The following PHF24 variants were observed in gnomAD, a reference collection of about 807,000 sequenced individuals.
The protein encoded by PHF24 is Galpha inhibitory interacting protein.
A neutral mutation model predicts 42.6 loss-of-function variants in PHF24; 25 were observed. That is an observed-to-expected ratio of 0.59 (90% confidence interval 0.43 to 0.82). The LOEUF (loss-of-function observed/expected upper bound fraction) is 0.82, where lower values mean the gene tolerates loss of function less well. Among genes scored for constraint, PHF24 ranks in the 40% least tolerant of loss-of-function variants. The pLI is 0.00. For synonymous variants in PHF24, 185 were observed against 204.8 expected (o/e 0.90, Z 0.83); for missense variants, 470 against 538.1 (o/e 0.87, Z 1.25).
At chr9:34,666,293 T>C in the PHF24 span, among the ~76,000 whole-genome samples, 2 of 152,064 alleles carry the variant, frequency 1.3e-5, no homozygotes, top group Non-Finnish European at 2.9e-5. Flanking sequence ...AAAAGAGAGT[T>C]GGGACTAAGT....
the PHF24 span, among the ~76,000 whole-genome samples, chr9:34,849,634 T>A: frequency 1.3e-5 from 2 of 152,216 alleles, no homozygotes; most frequent in Non-Finnish European, 2.9e-5. Context: ...GTGAATTTGA[T>A]CCTGTCATTA....
intron 7 of PHF24, 61 bp from the exon 8 acceptor site, chr9:34,977,954 G>A: frequency 1.5e-6 from 2 of 1,300,992 alleles, no homozygotes; most frequent in Non-Finnish European, 2.2e-6. Context: ...GCTGCCCCTG[G>A]GATCAGGGCT....
exon 3 of PHF24, chr9:34,972,493 A>G (rs1827031142): frequency 2.5e-6 from 4 of 1,613,502 alleles, no homozygotes; most frequent in Non-Finnish European, 3.4e-6. Flanking sequence ...GGTGACGGAG[A>G]TGGCCCACAC....
At chr9:34,901,620 C>T in the PHF24 span, among the ~76,000 whole-genome samples, 2 of 151,986 alleles carry the variant, frequency 1.3e-5, no homozygotes, top group African/African-American at 4.8e-5. Context: ...AATAGGGGGT[C>T]GGGCGTGGTG....
the PHF24 span, among the ~76,000 whole-genome samples, chr9:34,901,970 G>A: frequency 6.6e-6 from 1 of 152,146 alleles, no homozygotes; most frequent in East Asian, 1.9e-4. Flanking sequence ...ATATTAATTT[G>A]AAGTTGGGTG....
chr9:34,976,570 C>T (rs200806520), exon 5 of PHF24: 13 of 1,613,878 alleles, frequency 8.1e-6, no homozygotes, highest in Middle Eastern at 1.6e-4. Context: ...TCTGCGTTAC[C>T]GCCACCAAGC....
At chr9:34,964,634 C>T (rs1471052582) in intron 1 of PHF24, among the ~76,000 whole-genome samples, 1 of 152,178 alleles carries the variant, frequency 6.6e-6, no homozygotes, top group Non-Finnish European at 1.5e-5. Flanking sequence ...ATTAATAATC[C>T]CGCTGAATTC....
the PHF24 span, among the ~76,000 whole-genome samples, chr9:34,935,736 G>GT: frequency 0.19 from 26,856 of 142,554 alleles, 2,546 homozygotes; most frequent in South Asian, 0.27. Context: ...ATTTGTGTGT[G>GT]GGGGGGGGGT....
the PHF24 span, among the ~76,000 whole-genome samples, chr9:34,704,231 T>C: frequency 6.6e-6 from 1 of 151,388 alleles, no homozygotes; most frequent in Non-Finnish European, 1.5e-5. Context: ...GGGTCTTGCT[T>C]CGTTGCCCAG....
At chr9:34,846,823 G>A in the PHF24 span, among the ~76,000 whole-genome samples, 1 of 152,140 alleles carries the variant, frequency 6.6e-6, no homozygotes, top group Non-Finnish European at 1.5e-5. Context: ...CATATGGCTA[G>A]CCAGTTTTCC....
the PHF24 span, among the ~76,000 whole-genome samples, chr9:34,902,828 G>A: frequency 1.3e-5 from 2 of 152,026 alleles, no homozygotes; most frequent in South Asian, 4.2e-4. Flanking sequence ...GAGGGGAGGT[G>A]GTTAATAGGG....
chr9:34,920,184 G>A, the PHF24 span, among the ~76,000 whole-genome samples: 3 of 152,142 alleles, frequency 2.0e-5, no homozygotes, highest in Admixed American at 1.3e-4. Context: ...CAGTGTAGGA[G>A]GGTTTCTTTT....
At chr9:34,846,541 T>C in the PHF24 span, among the ~76,000 whole-genome samples, 2 of 151,772 alleles carry the variant, frequency 1.3e-5, no homozygotes, top group East Asian at 3.9e-4. Flanking sequence ...TTCTCCCATT[T>C]TGTAGGTTGC....
At chr9:34,802,785 C>A in the PHF24 span, among the ~76,000 whole-genome samples, 1 of 152,274 alleles carries the variant, frequency 6.6e-6, no homozygotes, top group South Asian at 2.1e-4. Flanking sequence ...AAGGCTGAGC[C>A]TCTGATCCTC....
At chr9:34,711,272 G>T in the PHF24 span, among the ~76,000 whole-genome samples, 1 of 149,578 alleles carries the variant, frequency 6.7e-6, no homozygotes, top group South Asian at 2.1e-4. Flanking sequence ...TTTGACACAG[G>T]GTCTCGCTTT....
At chr9:34,799,707 T>C in the PHF24 span, among the ~76,000 whole-genome samples, 1 of 152,176 alleles carries the variant, frequency 6.6e-6, no homozygotes, top group Non-Finnish European at 1.5e-5. Flanking sequence ...CCACCTCTTA[T>C]ATAGAAACAT....
chr9:34,668,502 C>T, the PHF24 span, among the ~76,000 whole-genome samples: 1 of 152,176 alleles, frequency 6.6e-6, no homozygotes, highest in Non-Finnish European at 1.5e-5. Flanking sequence ...ATCACAAGGG[C>T]ACACCCATTT....
chr9:34,765,428 T>G, the PHF24 span, among the ~76,000 whole-genome samples: 69 of 150,898 alleles, frequency 4.6e-4, no homozygotes, highest in African/African-American at 1.6e-3. Context: ...CTCTTCTTGT[T>G]GAATTGATCC....
At chr9:34,868,958 C>T in the PHF24 span, among the ~76,000 whole-genome samples, 2 of 152,290 alleles carry the variant, frequency 1.3e-5, no homozygotes, top group African/African-American at 4.8e-5. Context: ...CACCATGTGT[C>T]CATGTGTTAT....
Sources: gnomAD v4.1 joint callset for allele counts (sites outside exome capture counted in the v4.1 genomes callset) on GRCh38, gnomAD v4.1.1 for gene constraint, MANE v1.5 for transcripts, NCBI Gene and HGNC (gene_info 2026-07-23, HGNC 2026-07-21) for gene names.